Variants in SPMIP8 observed in about 807,000 individuals in gnomAD.
SPMIP8 encodes the protein sperm microtubule inner protein 8, also known as testicular tissue protein Li 196.
At chr16:57,978,097 G>C in the SPMIP8 span, 1 of 1,542,090 alleles carries the variant, frequency 6.5e-7, no homozygotes, top group South Asian at 1.2e-5. Context: ...TCAGGAAAGA[G>C]GGAGACAGAT....
At chr16:57,986,028 A>C in the SPMIP8 span, 2 of 1,473,256 alleles carry the variant, frequency 1.4e-6, no homozygotes, top group Non-Finnish European at 1.8e-6. Flanking sequence ...TGACTCTGAA[A>C]CCCCCCTGCC....
At chr16:57,985,865 T>C in the SPMIP8 span, 14 of 1,583,642 alleles carry the variant, frequency 8.8e-6, no homozygotes, top group East Asian at 2.3e-5. Flanking sequence ...CCAGAGAGGG[T>C]CGCCCCTTCC....
At chr16:57,987,604 C>T in the SPMIP8 span, 15 of 657,900 alleles carry the variant, frequency 2.3e-5, no homozygotes, top group Non-Finnish European at 3.4e-5. Context: ...TGTTGCACAG[C>T]CTGGGAGAGG....
the SPMIP8 span, chr16:57,987,537 A>C: frequency 8.0e-7 from 1 of 1,244,796 alleles, no homozygotes. Context: ...GTTCAGCCTA[A>C]CTAGAAATAA....
At chr16:57,978,949 G>A in the SPMIP8 span, among the ~76,000 whole-genome samples, 1 of 152,160 alleles carries the variant, frequency 6.6e-6, no homozygotes, top group Non-Finnish European at 1.5e-5. Flanking sequence ...ACTGGGCAGA[G>A]GTTGACAGGT....
At chr16:57,977,435 A>C in the SPMIP8 span, among the ~76,000 whole-genome samples, 1 of 147,862 alleles carries the variant, frequency 6.8e-6, no homozygotes, top group Non-Finnish European at 1.5e-5. Context: ...GAAAAGAAAG[A>C]AAGAAAAAAA....
chr16:57,987,341 T>C, the SPMIP8 span: 3 of 1,459,226 alleles, frequency 2.1e-6, no homozygotes, highest in Non-Finnish European at 2.7e-6. Context: ...AAAAGCCTGA[T>C]TTTTCCCCTA....
chr16:57,983,799 G>A, the SPMIP8 span, among the ~76,000 whole-genome samples: 3 of 152,140 alleles, frequency 2.0e-5, no homozygotes, highest in Admixed American at 6.5e-5. Context: ...TTTTGGTAGA[G>A]ATAGGGTTTC....
the SPMIP8 span, among the ~76,000 whole-genome samples, chr16:57,982,313 C>G: frequency 6.6e-6 from 1 of 152,158 alleles, no homozygotes; most frequent in Non-Finnish European, 1.5e-5. Context: ...TTTTTTGGAA[C>G]AAGAATTCAA....
At chr16:57,986,021 C>T in the SPMIP8 span, 1 of 1,505,002 alleles carries the variant, frequency 6.6e-7, no homozygotes, top group Non-Finnish European at 8.9e-7. Context: ...GGCTCCCTGA[C>T]TCTGAAACCC....
At chr16:57,982,334 C>T in the SPMIP8 span, among the ~76,000 whole-genome samples, 54 of 152,140 alleles carry the variant, frequency 3.5e-4, 2 homozygotes, top group Non-Finnish European at 2.9e-4. Context: ...TCTAGGATTA[C>T]GTATTTCAGT....
At chr16:57,982,019 C>T in the SPMIP8 span, among the ~76,000 whole-genome samples, 2 of 152,142 alleles carry the variant, frequency 1.3e-5, no homozygotes, top group African/African-American at 4.8e-5. Context: ...ACATGATAAA[C>T]ATTTTCAAAT....
the SPMIP8 span, chr16:57,985,096 T>C: frequency 1.0e-5 from 11 of 1,052,946 alleles, no homozygotes; most frequent in Non-Finnish European, 1.1e-5. Context: ...CACGTGTGGG[T>C]GGGGCTGGAT....
chr16:57,981,426 AT>A, the SPMIP8 span, among the ~76,000 whole-genome samples: 3 of 139,082 alleles, frequency 2.2e-5, no homozygotes, highest in East Asian at 2.1e-4. Flanking sequence ...TATTATTATT[AT>A]TATTATAATT....
the SPMIP8 span, among the ~76,000 whole-genome samples, chr16:57,979,119 G>A: frequency 2.6e-5 from 4 of 152,204 alleles, no homozygotes; most frequent in Non-Finnish European, 5.9e-5. Context: ...AACCCCGCAT[G>A]GACTGAGGAG....
chr16:57,984,783 T>C, the SPMIP8 span: 7 of 1,607,438 alleles, frequency 4.4e-6, no homozygotes, highest in South Asian at 7.8e-5. Context: ...GGCCGGGGAG[T>C]TCAAGCTGCC....
At chr16:57,982,491 T>C in the SPMIP8 span, among the ~76,000 whole-genome samples, 3 of 152,216 alleles carry the variant, frequency 2.0e-5, no homozygotes, top group African/African-American at 7.2e-5. Flanking sequence ...ATGGTGTTTC[T>C]TATCTTGTTA....
the SPMIP8 span, chr16:57,987,459 G>A: frequency 1.2e-5 from 19 of 1,576,290 alleles, no homozygotes; most frequent in Admixed American, 3.7e-5. Flanking sequence ...CCAGGCTGCC[G>A]GACGGTGCCA....
the SPMIP8 span, among the ~76,000 whole-genome samples, chr16:57,976,911 T>G: frequency 2.0e-5 from 3 of 152,236 alleles, no homozygotes; most frequent in African/African-American, 7.2e-5. Context: ...ACTATCTGCT[T>G]TTTAAAGGGA....
Sources: allele counts gnomAD v4.1 joint callset (sites outside exome capture counted in the v4.1 genomes callset), GRCh38; gene constraint gnomAD v4.1.1; transcripts MANE v1.5; gene names NCBI Gene and HGNC (gene_info 2026-07-23, HGNC 2026-07-21).